FUT8: variants seen among roughly 807,000 people sequenced by gnomAD.
The protein encoded by FUT8 is fucosyltransferase 8.
In FUT8, 29 loss-of-function variants were observed where a neutral mutation model predicts 71.3. The observed-to-expected ratio is 0.41, with a 90% CI of 0.30 to 0.55. The LOEUF is 0.55. Among genes scored for constraint, FUT8 ranks in the 20% least tolerant of loss-of-function variants. The pLI is 0.34. For synonymous variants in FUT8, 254 were observed against 239.3 expected (o/e 1.06, Z -0.57); for missense variants, 544 against 702.1 (o/e 0.77, Z 2.55).
At position 65,722,013 on chromosome 14, in the gene FUT8, A is replaced by G. The variant is rs1156759900; in HGVS notation, c.1074A>G (p.Pro358=). ...CCAAGAAGCTTGGCTTCAAACATCC[A>G]GTTATTGGGTAAGAATCTGATTTTT... ...EATKKLGFKH[P]VIGVHVRRTD... is the part of the protein sequence containing the mutation. The change falls in exon 8 of 11, where the codon CCA becomes CCG. Residue 358 remains proline, a synonymous_variant. Transcript: ENST00000673929. The G allele has an allele frequency of 3.1e-6, 5 of 1,613,994 alleles. No individual in the cohort carries two copies. Among genetic ancestry groups the G allele is most frequent in the South Asian group, 1.1e-5 (1 of 91,074 alleles).
At chr14:65,408,847 A>G (rs886216441), upstream of FUT8, among the ~76,000 whole-genome samples, 1 of 152,202 alleles carries the variant, frequency 6.6e-6, no homozygotes, top group African/African-American at 2.4e-5. Context: ...AACACATTGA[A>G]TTTGAAAATA....
the FUT8 span, among the ~76,000 whole-genome samples, chr14:65,358,556 C>T: frequency 2.0e-5 from 3 of 151,956 alleles, no homozygotes; most frequent in South Asian, 6.2e-4. Flanking sequence ...CAGGCTCAAG[C>T]GATCCTCCTA....
the FUT8 span, among the ~76,000 whole-genome samples, chr14:65,379,466 G>T: frequency 6.6e-6 from 1 of 152,028 alleles, no homozygotes; most frequent in Non-Finnish European, 1.5e-5. Context: ...GGAGGCGGAG[G>T]TTGCAATGAG....
intron 2 of FUT8, among the ~76,000 whole-genome samples, chr14:65,504,671 T>A (rs1188899818): frequency 2.6e-5 from 4 of 152,238 alleles, no homozygotes; most frequent in African/African-American, 9.6e-5. Context: ...TGCCTCAGCC[T>A]CCTGAATAGC....
intron 2 of FUT8, chr14:65,529,297 T>C (rs1883764254): frequency 6.6e-6 from 1 of 152,178 alleles, no homozygotes. Context: ...AGTGGCACAA[T>C]TTTGGTTCAC....
At chr14:65,385,421 C>G in the FUT8 span, among the ~76,000 whole-genome samples, 18,155 of 152,128 alleles carry the variant, frequency 0.12, 1,454 homozygotes, top group East Asian at 0.45. Flanking sequence ...AGAAGTTATG[C>G]TTGGCTTAAC....
intron 7 of FUT8, among the ~76,000 whole-genome samples, chr14:65,699,342 G>A (rs896654088): frequency 6.6e-6 from 1 of 152,114 alleles, no homozygotes; most frequent in Non-Finnish European, 1.5e-5. Flanking sequence ...AGTCTGACTG[G>A]TCTGGATTCT....
intron 2 of FUT8, among the ~76,000 whole-genome samples, chr14:65,498,696 C>A (rs1007195610): frequency 6.6e-6 from 1 of 152,174 alleles, no homozygotes; most frequent in Non-Finnish European, 1.5e-5. Context: ...GTTAAAACTT[C>A]TAGTAGGCTT....
rs534300190 is a variant in FUT8, at chr14:65,643,621, T to C, written c.597+14015T>C. 6.7e-6 allele frequency among the ~76,000 whole-genome samples: 1 copy of C among 148,880 alleles called. No individual in the cohort carries two copies. Among genetic ancestry groups the C allele is most frequent in the African/African-American group, 2.5e-5 (1 of 40,030 alleles). On this transcript the variant is annotated intron_variant, in intron 6 of 10. Coordinates refer to ENST00000673929, the MANE Select transcript of FUT8 (RefSeq NM_001371533.1). The surrounding 1 kb of genome is among the most constrained non-coding windows in gnomAD (Gnocchi z 4.5). Reference sequence around the variant, plus strand: ...GTGAGCAGAGATCATGCCACTGCACTGCAGCCTGGGCGACAGAGCGAGACT... The same window carrying C: ...GTGAGCAGAGATCATGCCACTGCACCGCAGCCTGGGCGACAGAGCGAGACT...
At chr14:65,484,337 A>G (rs542407715) in intron 2 of FUT8, among the ~76,000 whole-genome samples, 5 of 152,340 alleles carry the variant, frequency 3.3e-5, no homozygotes, top group African/African-American at 1.2e-4. Flanking sequence ...GGGGGAAAGC[A>G]TCTATTCTCT....
chr14:65,440,518 A>G (rs2065637909), intron 1 of FUT8, among the ~76,000 whole-genome samples: 1 of 152,138 alleles, frequency 6.6e-6, no homozygotes. Flanking sequence ...ATTAAAACAA[A>G]AAAAGCTTGG....
chr14:65,711,939 G>A (rs996565829), intron 7 of FUT8, among the ~76,000 whole-genome samples: 17 of 152,094 alleles, frequency 1.1e-4, no homozygotes, highest in Non-Finnish European at 2.4e-4. Context: ...AAAACATTTT[G>A]CATATATACA....
intron 2 of FUT8, among the ~76,000 whole-genome samples, chr14:65,539,235 T>C (rs1468623312): frequency 2.0e-5 from 3 of 152,202 alleles, no homozygotes; most frequent in Non-Finnish European, 4.4e-5. Flanking sequence ...TCGTCCTAAA[T>C]TGCTTACCAT....
intron 1 of FUT8, among the ~76,000 whole-genome samples, chr14:65,439,954 G>GTAAA (rs1378430231): frequency 4.0e-5 from 3 of 74,984 alleles, no homozygotes; most frequent in African/African-American, 1.5e-4. Flanking sequence ...GTGTGTGTGT[G>GTAAA]TATATATATA....
intron 7 of FUT8, among the ~76,000 whole-genome samples, chr14:65,684,288 G>A (rs2140416151): frequency 6.6e-6 from 1 of 152,228 alleles, no homozygotes; most frequent in Admixed American, 6.5e-5. Flanking sequence ...AAACACATCT[G>A]TAAATTATTG....
At chr14:65,399,619 C>T in the FUT8 span, among the ~76,000 whole-genome samples, 22 of 152,216 alleles carry the variant, frequency 1.4e-4, no homozygotes, top group South Asian at 6.2e-4. Context: ...AAGTTAATCA[C>T]GCATAGTTTT....
intron 3 of FUT8, among the ~76,000 whole-genome samples, chr14:65,610,986 C>T (rs1029207236): frequency 1.3e-5 from 2 of 151,286 alleles, no homozygotes; most frequent in African/African-American, 4.9e-5. Flanking sequence ...CTTACTATAT[C>T]TTTCTCTGGT....
rs1427243198 is a variant in FUT8, at chr14:65,660,684, C to A, written c.598-8559C>A. 6.6e-6 allele frequency among the ~76,000 whole-genome samples: 1 copy of A among 152,144 alleles called. No homozygotes were observed. Among genetic ancestry groups the A allele is most frequent in the African/African-American group, 2.4e-5 (1 of 41,426 alleles). On this transcript the variant is annotated intron_variant, in intron 6 of 10. Transcript: ENST00000673929. This position sits in a 1 kb window ranked among gnomAD's most constrained non-coding sequence, Gnocchi z 4.1. ...GGTGGAAAGGATGCCTTAGTACAGTCTTAACTTTGCTATGGAAATATTCTT... is the reference window on the plus strand; with the variant it reads ...GGTGGAAAGGATGCCTTAGTACAGTATTAACTTTGCTATGGAAATATTCTT...
chr14:65,423,190 C>T (rs867705631), intron 1 of FUT8, among the ~76,000 whole-genome samples: 7 of 150,704 alleles, frequency 4.6e-5, no homozygotes, highest in Admixed American at 2.0e-4. Context: ...TTCACCATAT[C>T]GGCCAGGCTG....
Sources: gnomAD v4.1 joint callset for allele counts (sites outside exome capture counted in the v4.1 genomes callset) on GRCh38, gnomAD v4.1.1 for gene constraint, Gnocchi (gnomAD v3.1) non-coding constraint, MANE v1.5 for transcripts, NCBI Gene and HGNC (gene_info 2026-07-23, HGNC 2026-07-21) for gene names.